Variants in IPCEF1 observed in about 807,000 individuals in gnomAD.
IPCEF1 encodes the protein interaction protein for cytohesin exchange factors 1.
IPCEF1 carries 31 observed loss-of-function variants against 50.9 expected under a neutral mutation model. The observed-to-expected ratio is 0.61, with a 90% CI of 0.46 to 0.82. IPCEF1 has a LOEUF of 0.82. Among genes scored for constraint, IPCEF1 ranks in the 40% least tolerant of loss-of-function variants. The probability of loss-of-function intolerance (pLI) is 0.00; values close to 1 mark genes in which losing one functional copy is unlikely to be tolerated. For synonymous variants in IPCEF1, 181 were observed against 192.0 expected, an observed-to-expected ratio of 0.94 and a Z score of 0.47; for missense variants, 458 against 514.0, an observed-to-expected ratio of 0.89 and a Z score of 1.05.
chr6:154,203,169 C>T (rs985633715), intron 9 of IPCEF1, among the ~76,000 whole-genome samples: 4 of 152,262 alleles, frequency 2.6e-5, no homozygotes, highest in South Asian at 4.2e-4. Flanking sequence ...TCATAAAGCT[C>T]CCCACTGAAG....
intron 1 of IPCEF1, 122 bp downstream of exon 1, chr6:154,356,550 C>A (rs1784220347): frequency 6.6e-6 from 1 of 152,190 alleles, no homozygotes; most frequent in Non-Finnish European, 1.5e-5. Flanking sequence ...AATATTACAT[C>A]CCCAAAGTCA....
intron 10 of IPCEF1, among the ~76,000 whole-genome samples, chr6:154,184,172 T>C (rs372567628): frequency 6.6e-6 from 1 of 151,842 alleles, no homozygotes; most frequent in African/African-American, 2.4e-5. Context: ...ACTTCAAATG[T>C]TGAGTTACAC....
chr6:154,188,998 C>A lies in IPCEF1; in HGVS notation c.910+10670G>T, dbSNP rs1177599830. ...ATTTTAATCACTTTAAAACTGAGTTCTATTTATTAAAAGATACTACTTTAC... is the reference window on the plus strand; with the variant it reads ...ATTTTAATCACTTTAAAACTGAGTTATATTTATTAAAAGATACTACTTTAC... On this transcript the variant is annotated intron_variant, in intron 10 of 11. Transcript: ENST00000367220. 2.0e-5 allele frequency among the ~76,000 whole-genome samples: 3 copies of A among 151,892 alleles called. No individual in the cohort carries two copies. In the South Asian group the frequency reaches 6.2e-4, roughly 32 times the overall value.
intron 5 of IPCEF1, among the ~76,000 whole-genome samples, chr6:154,236,042 A>G (rs905008883): frequency 1.3e-5 from 2 of 152,218 alleles, no homozygotes; most frequent in Admixed American, 6.5e-5. Context: ...TGATCCAGCA[A>G]TTCCACCTCT....
rs571337405 is a variant in IPCEF1 at position 154,260,661 on chromosome 6, C to T, written c.36+5251G>A. 4.3e-4 allele frequency among the ~76,000 whole-genome samples: 66 copies of T among 152,086 alleles called. 1 individual carries two copies. Among genetic ancestry groups the T allele is most frequent in the African/African-American group, 1.5e-3 (63 of 41,484 alleles). ...CTAATTTTTGTATTTTTAGTAGAGACGGGGTTTCATCATGTTGGCCAGGAT... is the reference window on the plus strand; with the variant it reads ...CTAATTTTTGTATTTTTAGTAGAGATGGGGTTTCATCATGTTGGCCAGGAT... On this transcript the variant is annotated intron_variant, in intron 3 of 11. Coordinates refer to ENST00000367220, the MANE Select transcript of IPCEF1 (RefSeq NM_001130700.2).
At chr6:154,319,113 A>G (rs753196954) in intron 1 of IPCEF1, among the ~76,000 whole-genome samples, 1 of 152,214 alleles carries the variant, frequency 6.6e-6, no homozygotes, top group African/African-American at 2.4e-5. Context: ...ATAATTGAAC[A>G]TACCAATTGT....
intron 10 of IPCEF1, among the ~76,000 whole-genome samples, chr6:154,192,288 T>C (rs1355571302): frequency 6.6e-6 from 1 of 150,968 alleles, no homozygotes; most frequent in Non-Finnish European, 1.5e-5. Flanking sequence ...TGATTTCTGT[T>C]TCTTGACCCA....
intron 1 of IPCEF1, among the ~76,000 whole-genome samples, chr6:154,314,378 T>C (rs1783161180): frequency 6.6e-6 from 1 of 152,090 alleles, no homozygotes; most frequent in Non-Finnish European, 1.5e-5. Flanking sequence ...AATGACATAA[T>C]CATTTGTATA....
chr6:154,336,642 T>A (rs1220913759), intron 1 of IPCEF1, among the ~76,000 whole-genome samples: 2 of 152,156 alleles, frequency 1.3e-5, no homozygotes, highest in Non-Finnish European at 2.9e-5. Flanking sequence ...CTCACTCTGT[T>A]ACCCAGGCTG....
At chr6:154,280,358 G>T (rs751196425) in intron 2 of IPCEF1, among the ~76,000 whole-genome samples, 4 of 152,142 alleles carry the variant, frequency 2.6e-5, no homozygotes, top group Non-Finnish European at 5.9e-5. Flanking sequence ...TGGAGGCCAG[G>T]AGTTCAAGAC....
At chr6:154,229,451 G>A (rs1010236483) in intron 5 of IPCEF1, among the ~76,000 whole-genome samples, 40 of 146,836 alleles carry the variant, frequency 2.7e-4, no homozygotes, top group African/African-American at 9.6e-4. Context: ...CTGGGTTCAC[G>A]CCATTCTCCC....
rs1562512352 is a variant in IPCEF1 at position 154,154,604 on chromosome 6, A to C, written c.*5224T>G. The C allele has an allele frequency of 6.6e-6, 1 of 152,246 alleles. No individual in the cohort carries two copies. Among genetic ancestry groups the C allele is most frequent in the Non-Finnish European group, 1.5e-5 (1 of 68,034 alleles). 9.4% of individuals were successfully genotyped at this position (152,246 alleles called of 1,614,324 possible). A position where few individuals can be genotyped will look rare whatever the true frequency, so the allele number is the denominator to read the frequency against. On this transcript the variant is annotated 3_prime_UTR_variant, in exon 12 of 12. Transcript: ENST00000367220. ...ACCTTGTTGTAGACGATCAAAACGCAGCCATTAAACACTTCCAGCCACATG... is the reference window on the plus strand; with the variant it reads ...ACCTTGTTGTAGACGATCAAAACGCCGCCATTAAACACTTCCAGCCACATG...
At chr6:154,352,856 C>T (rs1403481360) in intron 1 of IPCEF1, among the ~76,000 whole-genome samples, 1 of 152,204 alleles carries the variant, frequency 6.6e-6, no homozygotes, top group Admixed American at 6.5e-5. Flanking sequence ...AGATGATAAA[C>T]ATATGGCAAC....
At chr6:154,215,431 C>T (rs1324686134) in intron 7 of IPCEF1, among the ~76,000 whole-genome samples, 1 of 151,966 alleles carries the variant, frequency 6.6e-6, no homozygotes, top group Admixed American at 6.6e-5. Flanking sequence ...GGGAGAAACC[C>T]CGTCACTACT....
chr6:154,262,384 A>G (rs117363044), intron 3 of IPCEF1, among the ~76,000 whole-genome samples: 2 of 152,356 alleles, frequency 1.3e-5, no homozygotes, highest in East Asian at 3.9e-4. Flanking sequence ...TCTGATTCCA[A>G]TACCCAGGGT....
rs528944617 is a variant in IPCEF1, at chr6:154,178,487, C to G, written c.911-10374G>C. Among the ~76,000 whole-genome samples, 4 of 151,956 alleles carry G rather than the reference C, an allele frequency of 2.6e-5. No homozygotes were observed. In the East Asian group the frequency reaches 7.7e-4, roughly 29 times the overall value. ...TATATGACCTTTATGTTAAAAATAT[C>G]GAAGGGTATCTTCCTCCCCCTCTTC... is the stretch of plus-strand genomic sequence containing the variant. On this transcript the variant is annotated intron_variant, in intron 10 of 11. Coordinates refer to ENST00000367220, the MANE Select transcript of IPCEF1 (RefSeq NM_001130700.2).
At chr6:154,304,090 G>A (rs556862266) in intron 1 of IPCEF1, among the ~76,000 whole-genome samples, 2 of 151,852 alleles carry the variant, frequency 1.3e-5, no homozygotes, top group Admixed American at 1.3e-4. Flanking sequence ...TGGTGTGGTG[G>A]GGCACACCGG....
At chr6:154,271,333 T>G (rs2128658161) in intron 2 of IPCEF1, among the ~76,000 whole-genome samples, 1 of 152,104 alleles carries the variant, frequency 6.6e-6, no homozygotes, top group South Asian at 2.1e-4. Context: ...CCAGCCTGGA[T>G]GACAGAGTGG....
At chr6:154,191,924 A>G (rs1421242018) in intron 10 of IPCEF1, among the ~76,000 whole-genome samples, 4 of 152,174 alleles carry the variant, frequency 2.6e-5, no homozygotes, top group African/African-American at 9.7e-5. Flanking sequence ...ATTAATTTCA[A>G]AATAAGAATC....
Sources: gnomAD v4.1 joint callset for allele counts (sites outside exome capture counted in the v4.1 genomes callset) on GRCh38, gnomAD v4.1.1 for gene constraint, MANE v1.5 for transcripts, NCBI Gene and HGNC (gene_info 2026-07-23, HGNC 2026-07-21) for gene names.